ZBTB7C: variants seen among roughly 807,000 people sequenced by gnomAD.
ZBTB7C encodes zinc finger and BTB domain containing 7C, also known as zinc finger and BTB domain-containing protein 7C.
In ZBTB7C, 8 loss-of-function variants were observed where a neutral mutation model predicts 25.7. That is an observed-to-expected ratio of 0.31 (90% CI 0.18 to 0.56). The LOEUF (loss-of-function observed/expected upper bound fraction) is 0.56, where lower values mean the gene tolerates loss of function less well. Among genes scored for constraint, ZBTB7C ranks in the 20% least tolerant of loss-of-function variants. The probability of loss-of-function intolerance (pLI) is 0.91; values close to 1 mark genes in which losing one functional copy is unlikely to be tolerated. For missense variants in ZBTB7C, 824 were observed against 855.2 expected (o/e 0.96, Z 0.46); for synonymous variants, 394 against 369.0 (o/e 1.07, Z -0.78).
intron 3 of ZBTB7C, among the ~76,000 whole-genome samples, chr18:48,043,866 C>T (rs2036361676): frequency 1.3e-5 from 2 of 152,320 alleles, no homozygotes; most frequent in South Asian, 4.1e-4. Context: ...AATCTCCTCG[C>T]TTCTCTCCAT....
At chr18:48,314,768 G>C (rs1418025280) in intron 2 of ZBTB7C, among the ~76,000 whole-genome samples, 1 of 152,142 alleles carries the variant, frequency 6.6e-6, no homozygotes, top group Non-Finnish European at 1.5e-5. Flanking sequence ...CCATCCCCTA[G>C]AGACTGCTGA....
At chr18:48,221,321 C>G (rs1442518063) in intron 2 of ZBTB7C, among the ~76,000 whole-genome samples, 1 of 150,828 alleles carries the variant, frequency 6.6e-6, no homozygotes, top group African/African-American at 2.4e-5. Context: ...CTATACTGTC[C>G]TAGTCTCCTC....
At chr18:48,186,927 G>A (rs542217233) in intron 2 of ZBTB7C, among the ~76,000 whole-genome samples, 2 of 152,346 alleles carry the variant, frequency 1.3e-5, no homozygotes, top group Middle Eastern at 3.4e-3. Context: ...GGACAAATTC[G>A]ACATGACTGA....
At chr18:48,366,799 C>T (rs528280831) in intron 1 of ZBTB7C, among the ~76,000 whole-genome samples, 2 of 152,144 alleles carry the variant, frequency 1.3e-5, no homozygotes, top group South Asian at 2.1e-4. Context: ...TCTAAACCAG[C>T]GAGTGTATAA....
chr18:48,082,407 C>T (rs1336603866), intron 3 of ZBTB7C, among the ~76,000 whole-genome samples: 1 of 152,130 alleles, frequency 6.6e-6, no homozygotes, highest in Non-Finnish European at 1.5e-5. Flanking sequence ...AGTCCTGTTC[C>T]TTATCTGCAG....
chr18:48,243,348 ATACAAATCAATAGCATTGCTG>A (rs2043585587), intron 2 of ZBTB7C, among the ~76,000 whole-genome samples: 1 of 151,514 alleles, frequency 6.6e-6, no homozygotes, highest in Non-Finnish European at 1.5e-5. Context: ...CCAATGATGT[ATACAAATCAATAGCATTGCTG>A]TACAACAGTG....
At chr18:48,337,251 C>T (rs113628004) in intron 2 of ZBTB7C, among the ~76,000 whole-genome samples, 1,726 of 152,326 alleles carry the variant, frequency 0.011, 30 homozygotes, top group African/African-American at 0.039. Context: ...GGCCCTTCTC[C>T]CCTTGCCTTG....
At chr18:48,383,907 G>A (rs147228739) in intron 1 of ZBTB7C, among the ~76,000 whole-genome samples, 1 of 152,294 alleles carries the variant, frequency 6.6e-6, no homozygotes, top group East Asian at 1.9e-4. Context: ...GCTGGATGGA[G>A]CCTCGACCTA....
chr18:48,151,402 G>T (rs960434623), intron 3 of ZBTB7C, among the ~76,000 whole-genome samples: 2 of 152,128 alleles, frequency 1.3e-5, no homozygotes, highest in Admixed American at 6.6e-5. Context: ...ATGAAAGGGG[G>T]TATGAACATG....
chr18:48,297,306 A>AT (rs1302140563), intron 2 of ZBTB7C, among the ~76,000 whole-genome samples: 2 of 152,180 alleles, frequency 1.3e-5, no homozygotes, highest in Admixed American at 6.5e-5. Context: ...CCCACCCAGC[A>AT]TCGTCATATC....
chr18:48,140,998 CA>C (rs1239461624), intron 3 of ZBTB7C, among the ~76,000 whole-genome samples: 1 of 152,198 alleles, frequency 6.6e-6, no homozygotes, highest in African/African-American at 2.4e-5. Context: ...ACACGACTGC[CA>C]AAGCAATCCA....
Position 48,029,918 on chromosome 18 carries a change from T to A in ZBTB7C, c.1209-7A>T. On this transcript the variant is annotated splice_polypyrimidine_tract_variant and splice_region_variant and intron_variant, in intron 4 of 4. Transcript: ENST00000590800. ...GATTTTCAGCTTGTCCTGCCTGCAA[T>A]GCAGAGACTGGGGGTCAGTCCCGCA... 2 of 1,610,336 alleles carry A rather than the reference T, an allele frequency of 1.2e-6. No individual in the cohort carries two copies. Among genetic ancestry groups the A allele is most frequent in the Non-Finnish European group, 1.7e-6 (2 of 1,179,978 alleles).
At chr18:48,244,936 G>A (rs972931114) in intron 2 of ZBTB7C, among the ~76,000 whole-genome samples, 7 of 151,726 alleles carry the variant, frequency 4.6e-5, no homozygotes, top group African/African-American at 9.7e-5. Flanking sequence ...CAGCAATCCC[G>A]CTACTGAGTA....
rs986261446 is a variant in ZBTB7C, at chr18:48,073,723, C to T, written c.-16-32600G>A. 3.9e-5 allele frequency among the ~76,000 whole-genome samples: 6 copies of T among 152,218 alleles called. No individual in the cohort carries two copies. The East Asian group carries it at 5.8e-4, about 15-fold the overall frequency. On this transcript the variant is annotated intron_variant, in intron 3 of 4. Coordinates refer to ENST00000590800, the MANE Select transcript of ZBTB7C (RefSeq NM_001318841.2). ...TGGCTGTGGCTGGCCGGCTGGCCTC[C>T]GCCCTGGCTCCCCAACCCCTCTCTT...
chr18:48,057,070 A>AAC (rs1555682366), intron 3 of ZBTB7C, among the ~76,000 whole-genome samples: 3 of 149,910 alleles, frequency 2.0e-5, no homozygotes, highest in African/African-American at 7.3e-5. Flanking sequence ...AAAAAAAAAA[A>AAC]CCAACCCATG....
intron 2 of ZBTB7C, among the ~76,000 whole-genome samples, chr18:48,310,724 C>T (rs1203839219): frequency 1.3e-5 from 2 of 152,188 alleles, no homozygotes; most frequent in East Asian, 3.9e-4. Flanking sequence ...GGTTTCTTGT[C>T]CCCTGGCCTC....
chr18:48,361,735 G>A lies in ZBTB7C; in HGVS notation c.-303-23337C>T, dbSNP rs1166559629. Among the ~76,000 whole-genome samples the A allele has an allele frequency of 2.6e-5, 4 of 152,188 alleles. No individual in the cohort carries two copies. The East Asian group carries it at 7.7e-4, about 29-fold the overall frequency. Reference sequence around the variant, plus strand: ...CAGCCCATGGGATCAGAATCTCTGGGGCTAGGGCCTAAACATCAGAGGCAT... The same window carrying A: ...CAGCCCATGGGATCAGAATCTCTGGAGCTAGGGCCTAAACATCAGAGGCAT... On this transcript the variant is annotated intron_variant, in intron 1 of 4. Coordinates refer to ENST00000590800, the MANE Select transcript of ZBTB7C (RefSeq NM_001318841.2).
intron 4 of ZBTB7C, among the ~76,000 whole-genome samples, chr18:48,031,516 T>C (rs758947952): frequency 2.2e-4 from 33 of 151,924 alleles, no homozygotes; most frequent in Admixed American, 6.6e-5. Flanking sequence ...ACCTAGATGA[T>C]TGGATTTTTG....
At chr18:48,089,150 C>T (rs1342371477) in intron 3 of ZBTB7C, among the ~76,000 whole-genome samples, 2 of 152,166 alleles carry the variant, frequency 1.3e-5, no homozygotes, top group Admixed American at 6.5e-5. Flanking sequence ...AGTGAGGCTT[C>T]CTGCTCCCAA....
Sources: gnomAD v4.1 joint callset for allele counts (sites outside exome capture counted in the v4.1 genomes callset) on GRCh38, gnomAD v4.1.1 for gene constraint, MANE v1.5 for transcripts, NCBI Gene and HGNC (gene_info 2026-07-23, HGNC 2026-07-21) for gene names.